The following NDUFB2 variants were observed in gnomAD, a reference collection of about 807,000 sequenced individuals.
The protein encoded by NDUFB2 is NADH:ubiquinone oxidoreductase subunit B2.
In NDUFB2, 13 loss-of-function variants were observed where a neutral mutation model predicts 13.4. That is an observed-to-expected ratio of 0.97 (90% confidence interval 0.63 to 1.54). The LOEUF is 1.54. Among genes scored for constraint, NDUFB2 ranks in the 40% most tolerant of loss-of-function variants. NDUFB2 has a pLI of 0.00. For synonymous variants in NDUFB2, 47 were observed against 50.6 expected (o/e 0.93, Z 0.30); for missense variants, 150 against 139.7 (o/e 1.07, Z -0.37).
chr7:140,705,620 A>AT (rs1176578052), intron 3 of NDUFB2: 1 of 152,112 alleles, frequency 6.6e-6, no homozygotes, highest in African/African-American at 2.4e-5. Flanking sequence ...CCATTGTATA[A>AT]TAAAAAAAAA....
At position 140,703,018 on chromosome 7, in the gene NDUFB2, CAGG is replaced by C. The variant is rs772036407; in HGVS notation, c.243+11_243+13del. On this transcript the variant is annotated intron_variant, in intron 2 of 3. Transcript: ENST00000247866. Reference sequence around the variant, plus strand: ...GACTCAGAAGAGGTGCTGGTAAGTGCAGGAGAAGAGCACTTGTCGTTTTTTGGG... The same window carrying C: ...GACTCAGAAGAGGTGCTGGTAAGTGCAGAAGAGCACTTGTCGTTTTTTGGG... 1.2e-6 allele frequency: 2 copies of C among 1,612,646 alleles called. No individual in the cohort carries two copies. The highest frequency in any genetic ancestry group is 1.3e-5 in the African/African-American group (1 of 74,828).
chr7:140,697,618 A>G (rs980057363), intron 1 of NDUFB2, among the ~76,000 whole-genome samples: 3 of 152,218 alleles, frequency 2.0e-5, no homozygotes, highest in Non-Finnish European at 4.4e-5. Context: ...GGATGATTCC[A>G]GGTCCCTTAG....
rs1358971521 is a variant in NDUFB2, at chr7:140,702,856, T to G, written c.99-10T>G. On this transcript the variant is annotated splice_polypyrimidine_tract_variant and intron_variant, in intron 1 of 3. Coordinates refer to ENST00000247866, the MANE Select transcript of NDUFB2 (RefSeq NM_004546.3). ...TAGCACGCTGTCTGCCATGTTGTTT[T>G]GTCTTGCAGTGCCGGTGGTGGTGTG... 2.5e-6 allele frequency: 4 copies of G among 1,613,614 alleles called. No individual in the cohort carries two copies. Among genetic ancestry groups the G allele is most frequent in the Non-Finnish European group, 3.4e-6 (4 of 1,179,784 alleles).
intron 3 of NDUFB2, 107 bp downstream of exon 3, chr7:140,705,070 A>G (rs1008366312): frequency 6.9e-5 from 36 of 523,684 alleles, no homozygotes; most frequent in Non-Finnish European, 1.0e-4. Flanking sequence ...TTCTAACAGC[A>G]TGAAGTTGAG....
In NDUFB2 at chr7:140,697,970, G is replaced by A. The variant is rs1295587852; in HGVS notation, c.98+1128G>A. 93 of 1,284,426 alleles carry A rather than the reference G, an allele frequency of 7.2e-5. 2 individuals are homozygous for A. The South Asian group carries it at 1.1e-3, about 15-fold the overall frequency. 79.6% of individuals were successfully genotyped at this position (1,284,426 alleles called of 1,614,324 possible). On this transcript the variant is annotated intron_variant, in intron 1 of 3. Transcript: ENST00000247866. ...CAGCCTCGGCCTCCCAAAGTGTTGG[G>A]AATACAGGCGAGCCACTGCGCTTGG...
chr7:140,702,122 G>T (rs969621704), intron 1 of NDUFB2: 6 of 676,554 alleles, frequency 8.9e-6, no homozygotes, highest in Non-Finnish European at 1.6e-5. Flanking sequence ...GATGAAATTG[G>T]TAAACATATT....
intron 1 of NDUFB2, chr7:140,697,072 A>G (rs924572625): frequency 4.9e-5 from 29 of 591,760 alleles, no homozygotes; most frequent in African/African-American, 4.3e-4. Flanking sequence ...CAGGGCCGTC[A>G]TGGTAGTAGG....
intron 1 of NDUFB2, chr7:140,697,063 A>T: frequency 1.7e-6 from 1 of 597,018 alleles, no homozygotes; most frequent in Non-Finnish European, 3.0e-6. Context: ...CACCGTGTGC[A>T]GGGCCGTCAT....
At chr7:140,700,916 A>T (rs950675518) in intron 1 of NDUFB2, 1 of 152,232 alleles carries the variant, frequency 6.6e-6, no homozygotes. Context: ...GACATTACGG[A>T]AACAGTATGC....
rs544156710 is a variant in NDUFB2 at position 140,701,604 on chromosome 7, C to T, written c.99-1262C>T. ...CGCTTGAGCTAAGGTCACGCCACTGCACTCTAGCCTGGGCGACAGAGCCTA... is the reference window on the plus strand; with the variant it reads ...CGCTTGAGCTAAGGTCACGCCACTGTACTCTAGCCTGGGCGACAGAGCCTA... On this transcript the variant is annotated intron_variant, in intron 1 of 3. Transcript: ENST00000247866. Among the ~76,000 whole-genome samples the T allele has an allele frequency of 9.9e-5, 15 of 151,626 alleles. 1 individual carries two copies. The South Asian group carries it at 3.1e-3, about 32-fold the overall frequency.
At chr7:140,696,989 C>A (rs1349939882) in intron 1 of NDUFB2, 147 bp downstream of exon 1, 6 of 721,816 alleles carry the variant, frequency 8.3e-6, no homozygotes, top group Middle Eastern at 3.8e-4. Flanking sequence ...CCTGAAGCCG[C>A]GACTCGAGGA....
At chr7:140,706,060 T>TATGTTATGTTATGTTTTATG (rs1402496959) in intron 3 of NDUFB2, 128 of 125,108 alleles carry the variant, frequency 1.0e-3, no homozygotes, top group African/African-American at 4.3e-3. Flanking sequence ...TATGTTATGT[T>TATGTTATGTTATGTTTTATG]TTATGTTATG....
At position 140,702,847 on chromosome 7, in the gene NDUFB2, ATGT is replaced by A. The variant is rs1188076290; in HGVS notation, c.99-14_99-12del. On this transcript the variant is annotated splice_polypyrimidine_tract_variant and intron_variant, in intron 1 of 3. Coordinates refer to ENST00000247866, the MANE Select transcript of NDUFB2 (RefSeq NM_004546.3). ...TTGAGAATGTAGCACGCTGTCTGCC[ATGT>A]TGTTTTGTCTTGCAGTGCCGGTGGT... 4.3e-6 allele frequency: 7 copies of A among 1,613,418 alleles called. No homozygotes were observed. In the African/African-American group the frequency reaches 5.3e-5, roughly 12 times the overall value.
At chr7:140,698,070 T>A in intron 1 of NDUFB2, 2 of 1,324,492 alleles carry the variant, frequency 1.5e-6, no homozygotes, top group Non-Finnish European at 2.0e-6. Flanking sequence ...GTTGTTGTTA[T>A]TAAGGAACTG....
intron 1 of NDUFB2, chr7:140,697,082 G>A: frequency 1.7e-6 from 1 of 589,212 alleles, no homozygotes. Flanking sequence ...ATGGTAGTAG[G>A]GGCCGCCTGC....
At chr7:140,703,818 C>T (rs569877942) in intron 2 of NDUFB2, among the ~76,000 whole-genome samples, 4 of 152,184 alleles carry the variant, frequency 2.6e-5, no homozygotes, top group Admixed American at 2.0e-4. Flanking sequence ...TGCAGTGGTG[C>T]GATCTTGGCT....
chr7:140,697,120 A>T (rs1315300133), intron 1 of NDUFB2: 1 of 588,190 alleles, frequency 1.7e-6, no homozygotes, highest in East Asian at 2.9e-5. Flanking sequence ...GTGAATGCGG[A>T]GCGGGCTGAG....
intron 1 of NDUFB2, among the ~76,000 whole-genome samples, chr7:140,698,540 G>C (rs1395069201): frequency 6.6e-6 from 1 of 152,166 alleles, no homozygotes; most frequent in Non-Finnish European, 1.5e-5. Flanking sequence ...TGTATTTGGG[G>C]ATGGCGTGGG....
intron 3 of NDUFB2, chr7:140,706,056 A>T (rs4020754): frequency 1.3e-5 from 1 of 79,846 alleles, no homozygotes; most frequent in Admixed American, 1.5e-4. Flanking sequence ...ATGTTATGTT[A>T]TGTTTTATGT....
Sources: gnomAD v4.1 joint callset for allele counts (sites outside exome capture counted in the v4.1 genomes callset) on GRCh38, gnomAD v4.1.1 for gene constraint, MANE v1.5 for transcripts, NCBI Gene and HGNC (gene_info 2026-07-23, HGNC 2026-07-21) for gene names.